The following PRKN variants were observed in gnomAD, a reference collection of about 807,000 sequenced individuals.
PRKN encodes the protein E3 ubiquitin-protein ligase parkin.
Under a neutral mutation model 59.5 loss-of-function variants are expected in PRKN, and 56 were observed. That is an observed-to-expected ratio of 0.94 (90% CI 0.76 to 1.18). PRKN has a LOEUF of 1.18. PRKN is among the 50% of genes most tolerant of loss of function. The pLI is 0.00. For synonymous variants in PRKN, 250 were observed against 222.1 expected, an observed-to-expected ratio of 1.13 and a Z score of -1.12; for missense variants, 657 against 596.4, an observed-to-expected ratio of 1.10 and a Z score of -1.06.
chr6:161,666,824 C>G (rs570131289), intron 7 of PRKN, among the ~76,000 whole-genome samples: 145 of 152,276 alleles, frequency 9.5e-4, no homozygotes, highest in African/African-American at 3.1e-3. Flanking sequence ...CACTCCAGCA[C>G]ACTTTGGAAT....
intron 3 of PRKN, among the ~76,000 whole-genome samples, chr6:162,245,260 A>C (rs1478431538): frequency 2.0e-5 from 3 of 152,086 alleles, no homozygotes; most frequent in African/African-American, 7.2e-5. Context: ...ATTTCTGTCC[A>C]GTGGAGCAGA....
intron 5 of PRKN, among the ~76,000 whole-genome samples, chr6:162,009,389 A>G (rs1214624424): frequency 6.6e-6 from 1 of 151,896 alleles, no homozygotes; most frequent in Admixed American, 6.6e-5. Flanking sequence ...TACAGAAATT[A>G]TCAAACTGCA....
chr6:162,609,042 T>C lies in PRKN; in HGVS notation c.7+118620A>G, dbSNP rs2128218468. On this transcript the variant is annotated intron_variant, in intron 1 of 11. Transcript: ENST00000366898. ...GTGTGCTGGCAGCAAGCACTGGTTC[T>C]GCACCACCATCTCAGCTTCTTCACA... Among the ~76,000 whole-genome samples the C allele has an allele frequency of 1.3e-5, 2 of 152,354 alleles. 1 individual carries two copies. Among genetic ancestry groups the C allele is most frequent in the South Asian group, 4.1e-4 (2 of 4,826 alleles).
chr6:162,636,816 C>G lies in PRKN; in HGVS notation c.7+90846G>C, dbSNP rs77009785. On this transcript the variant is annotated intron_variant, in intron 1 of 11. Coordinates refer to ENST00000366898, the MANE Select transcript of PRKN (RefSeq NM_004562.3). ...CTTGGGCAACATACAGAGACTCAGT[C>G]TCATCTGGGAATGGTGGCATGCACC... 3.7e-3 allele frequency among the ~76,000 whole-genome samples: 569 copies of G among 152,132 alleles called. 2 individuals are homozygous for G. Among genetic ancestry groups the G allele is most frequent in the African/African-American group, 0.013 (549 of 41,524 alleles).
chr6:162,218,523 G>A (rs1442953970), intron 3 of PRKN, among the ~76,000 whole-genome samples: 2 of 152,162 alleles, frequency 1.3e-5, no homozygotes, highest in African/African-American at 4.8e-5. Flanking sequence ...ATCTGGGGTT[G>A]GGGATTGGAC....
At chr6:161,609,192 A>G (rs1424325298) in intron 7 of PRKN, among the ~76,000 whole-genome samples, 1 of 152,220 alleles carries the variant, frequency 6.6e-6, no homozygotes, top group Non-Finnish European at 1.5e-5. Context: ...AGGAGATTGC[A>G]TTTTGAATGT....
intron 4 of PRKN, among the ~76,000 whole-genome samples, chr6:162,077,608 A>G (rs551635279): frequency 4.0e-4 from 61 of 152,170 alleles, no homozygotes; most frequent in Non-Finnish European, 7.8e-4. Context: ...CCCACTACTA[A>G]TTTTATCTAT....
chr6:161,714,137 A>T (rs76791970), intron 7 of PRKN, among the ~76,000 whole-genome samples: 5,545 of 152,268 alleles, frequency 0.036, 105 homozygotes, highest in African/African-American at 0.058. Flanking sequence ...TCTGAGCAAA[A>T]TACACTGTAA....
chr6:161,589,867 C>G (rs2128140512), intron 7 of PRKN, among the ~76,000 whole-genome samples: 1 of 151,228 alleles, frequency 6.6e-6, no homozygotes, highest in South Asian at 2.1e-4. Context: ...GCAACCTCCA[C>G]CTCCTTGGTT....
At chr6:161,797,384 A>G (rs1367853140) in intron 6 of PRKN, among the ~76,000 whole-genome samples, 1 of 152,112 alleles carries the variant, frequency 6.6e-6, no homozygotes, top group Non-Finnish European at 1.5e-5. Context: ...CTTGTGCCTC[A>G]GCCCCCTACG....
At position 161,446,839 on chromosome 6, in the gene PRKN, A is replaced by C. The variant is rs1789513010; in HGVS notation, c.1084-59962T>G. Among the ~76,000 whole-genome samples the C allele has an allele frequency of 6.6e-6, 1 of 152,136 alleles. No individual in the cohort carries two copies. The highest frequency in any genetic ancestry group is 6.5e-5 in the Admixed American group (1 of 15,274). On this transcript the variant is annotated intron_variant, in intron 9 of 11. Coordinates refer to ENST00000366898, the MANE Select transcript of PRKN (RefSeq NM_004562.3). This position sits in a 1 kb window ranked among gnomAD's most constrained non-coding sequence, Gnocchi z 6.2. ...TTTCTTTAAATTGCCATTTAATTCC[A>C]TCCATCAACCCATTTTTCTGCTGTA...
Position 161,665,938 on chromosome 6 carries a change from C to T in PRKN, c.872-96522G>A, listed in dbSNP as rs188690578. Among the ~76,000 whole-genome samples the T allele has an allele frequency of 4.4e-4, 67 of 152,196 alleles. No homozygotes were observed. In the Middle Eastern group the frequency reaches 0.017, roughly 39 times the overall value. On this transcript the variant is annotated intron_variant, in intron 7 of 11. Transcript: ENST00000366898. ...GGATGTCTACCCACTCCAGCCCATGCCCAGCATGGACATCAGAGTCTGCTC... is the reference window on the plus strand; with the variant it reads ...GGATGTCTACCCACTCCAGCCCATGTCCAGCATGGACATCAGAGTCTGCTC...
chr6:161,621,427 A>G (rs1276522149), intron 7 of PRKN, among the ~76,000 whole-genome samples: 2 of 152,076 alleles, frequency 1.3e-5, no homozygotes, highest in Non-Finnish European at 2.9e-5. Context: ...TTGAGTCCCA[A>G]GGCTGGGGGT....
chr6:162,540,170 C>G lies in PRKN; in HGVS notation c.8-96697G>C, dbSNP rs182405025. Among the ~76,000 whole-genome samples, 238 of 152,272 alleles carry G rather than the reference C, an allele frequency of 1.6e-3. 1 individual carries two copies. The highest frequency in any genetic ancestry group is 5.3e-3 in the African/African-American group (221 of 41,554). On this transcript the variant is annotated intron_variant, in intron 1 of 11. Coordinates refer to ENST00000366898, the MANE Select transcript of PRKN (RefSeq NM_004562.3). ...ACCTCAGGTGATCCACCCGCCTTGG[C>G]CTCCCAAAGTGCTGGGATTACAGGC...
intron 1 of PRKN, 50 bp from the exon 2 acceptor site, chr6:162,443,523 C>T: frequency 6.4e-7 from 1 of 1,560,850 alleles, no homozygotes; most frequent in African/African-American, 1.4e-5. Flanking sequence ...TCACTCGAAG[C>T]CCTTAAATGG....
intron 4 of PRKN, among the ~76,000 whole-genome samples, chr6:162,064,472 T>C (rs1230921046): frequency 6.6e-6 from 1 of 152,194 alleles, no homozygotes; most frequent in Non-Finnish European, 1.5e-5. Flanking sequence ...TTGGAAACAA[T>C]AGTCTGTGAT....
At chr6:161,583,113 C>A (rs1334797842) in intron 7 of PRKN, among the ~76,000 whole-genome samples, 1 of 151,602 alleles carries the variant, frequency 6.6e-6, no homozygotes, top group African/African-American at 2.4e-5. Flanking sequence ...AGAGCATTAC[C>A]AAAAAGCCTA....
Position 162,416,388 on chromosome 6 carries a change from A to T in PRKN, c.171+26922T>A, listed in dbSNP as rs561849259. 2.0e-5 allele frequency among the ~76,000 whole-genome samples: 3 copies of T among 152,328 alleles called. No homozygotes were observed. The South Asian group carries it at 6.2e-4, about 32-fold the overall frequency. ...TAAGAGGTGGTAAGGATGGTTAATT[A>T]TTCTGATCAAGTCTATTCGGTCTGT... On this transcript the variant is annotated intron_variant, in intron 2 of 11. Transcript: ENST00000366898.
Position 161,836,287 on chromosome 6 carries a change from G to C in PRKN, c.735-50379C>G, listed in dbSNP as rs1489340141. Among the ~76,000 whole-genome samples, 3 of 152,126 alleles carry C rather than the reference G, an allele frequency of 2.0e-5. No individual in the cohort carries two copies. In the East Asian group the frequency reaches 5.8e-4, roughly 29 times the overall value. ...TGCCATATGTGGGCTACTCATCCCA[G>C]CAGCATGCAGAGGTTCTGCGATGCC... On this transcript the variant is annotated intron_variant, in intron 6 of 11. Transcript: ENST00000366898.
Sources: allele counts gnomAD v4.1 joint callset (sites outside exome capture counted in the v4.1 genomes callset), GRCh38; gene constraint gnomAD v4.1.1; non-coding constraint Gnocchi (gnomAD v3.1); transcripts MANE v1.5; gene names NCBI Gene and HGNC (gene_info 2026-07-23, HGNC 2026-07-21).